Variants in C10orf90 observed in about 807,000 individuals in gnomAD.
C10orf90 encodes the protein chromosome 10 open reading frame 90, also known as (E2-independent) E3 ubiquitin-conjugating enzyme FATS.
Under a neutral mutation model 62.5 loss-of-function variants are expected in C10orf90, and 56 were observed. The ratio of observed to expected loss-of-function variants is 0.90; its 90% CI spans 0.72 to 1.12. C10orf90 has a LOEUF of 1.12. C10orf90 is among the 50% of genes most tolerant of loss of function. The pLI is 0.00. For synonymous variants in C10orf90, 386 were observed against 340.4 expected (o/e 1.13, Z -1.47); for missense variants, 970 against 880.4 (o/e 1.10, Z -1.29).
chr10:126,558,053 C>G (rs1864819066), intron 2 of C10orf90, among the ~76,000 whole-genome samples: 1 of 152,176 alleles, frequency 6.6e-6, no homozygotes, highest in Admixed American at 6.6e-5. Context: ...TCTTCACTCT[C>G]CAGGCCTCAC....
chr10:126,449,336 T>C (rs1288784754), intron 7 of C10orf90, among the ~76,000 whole-genome samples: 1 of 152,128 alleles, frequency 6.6e-6, no homozygotes, highest in Non-Finnish European at 1.5e-5. Flanking sequence ...AAATTCAACA[T>C]CCTTTTATGG....
chr10:126,623,751 G>A (rs1343969998), intron 2 of C10orf90, among the ~76,000 whole-genome samples: 1 of 150,384 alleles, frequency 6.6e-6, no homozygotes, highest in African/African-American at 2.5e-5. Context: ...TGAGGCAGGA[G>A]AATTGCTTGA....
chr10:126,450,718 A>G (rs1760483430), intron 7 of C10orf90, among the ~76,000 whole-genome samples: 1 of 152,260 alleles, frequency 6.6e-6, no homozygotes, highest in African/African-American at 2.4e-5. Context: ...AGTTAAATGT[A>G]ATTCCTGAAA....
intron 4 of C10orf90, among the ~76,000 whole-genome samples, chr10:126,483,712 G>T (rs1861279607): frequency 6.6e-6 from 1 of 152,236 alleles, no homozygotes; most frequent in Non-Finnish European, 1.5e-5. Flanking sequence ...CCAGATGCAG[G>T]TATTGTCACT....
At chr10:126,497,325 A>G (rs1002730930) in intron 4 of C10orf90, among the ~76,000 whole-genome samples, 1 of 152,026 alleles carries the variant, frequency 6.6e-6, no homozygotes, top group Non-Finnish European at 1.5e-5. Flanking sequence ...TAAACAACGC[A>G]GGGAGGCTGA....
chr10:126,527,516 T>C (rs1863982621), intron 2 of C10orf90, among the ~76,000 whole-genome samples: 1 of 152,216 alleles, frequency 6.6e-6, no homozygotes, highest in Non-Finnish European at 1.5e-5. Flanking sequence ...TAAGGCAGCA[T>C]CTCGTATCTC....
chr10:126,522,981 T>G (rs1863814888), intron 2 of C10orf90: 1 of 152,086 alleles, frequency 6.6e-6, no homozygotes, highest in Admixed American at 6.5e-5. Context: ...CAAATAAAGG[T>G]TTTCATGGGC....
chr10:126,518,954 T>C (rs928379092), intron 2 of C10orf90, among the ~76,000 whole-genome samples: 1 of 152,198 alleles, frequency 6.6e-6, no homozygotes, highest in African/African-American at 2.4e-5. Flanking sequence ...ATTTAGGCAG[T>C]GCTCAGGGTG....
intron 2 of C10orf90, among the ~76,000 whole-genome samples, chr10:126,530,978 A>G (rs1864077639): frequency 6.6e-6 from 1 of 152,140 alleles, no homozygotes; most frequent in Non-Finnish European, 1.5e-5. Flanking sequence ...GTTCAAGACC[A>G]GCCTGGCCAA....
At chr10:126,451,052 TAA>T (rs918355181) in intron 7 of C10orf90, among the ~76,000 whole-genome samples, 1 of 144,332 alleles carries the variant, frequency 6.9e-6, no homozygotes, top group African/African-American at 2.5e-5. Context: ...TAGAGATTTC[TAA>T]AAAAAAAAAA....
chr10:126,446,167 T>G (rs1644808859), intron 7 of C10orf90, among the ~76,000 whole-genome samples: 1 of 151,838 alleles, frequency 6.6e-6, no homozygotes, highest in Non-Finnish European at 1.5e-5. Flanking sequence ...AATAAAATCT[T>G]TTTTTTTAAA....
intron 2 of C10orf90, among the ~76,000 whole-genome samples, chr10:126,618,465 T>G (rs1430541176): frequency 6.6e-6 from 1 of 152,208 alleles, no homozygotes; most frequent in Non-Finnish European, 1.5e-5. Context: ...AGTCCTTCTT[T>G]CTGCCTGGCC....
chr10:126,481,807 A>G (rs182184012), intron 4 of C10orf90, among the ~76,000 whole-genome samples: 1 of 152,262 alleles, frequency 6.6e-6, no homozygotes, highest in Admixed American at 6.5e-5. Flanking sequence ...CCTCCTCCCC[A>G]AGTTGGGCCA....
In C10orf90 at chr10:126,627,000, C is replaced by CTTTT. The variant is rs61226052; in HGVS notation, c.313+19561_313+19564dup. Among the ~76,000 whole-genome samples the CTTTT allele has an allele frequency of 9.9e-3, 1,177 of 119,202 alleles. 30 individuals carry two copies. Among genetic ancestry groups the CTTTT allele is most frequent in the South Asian group, 0.028 (108 of 3,802 alleles). The allele number at this position is 119,202 out of a possible 152,430, so 78.2% of individuals were successfully genotyped here. On this transcript the variant is annotated intron_variant, in intron 2 of 9. Transcript: ENST00000488181. ...AGATTTTTCTTTTTCTTTTTCTTTT[C>CTTTT]TTTTTTTTTTTTTTTTTGAGACGTA...
intron 1 of C10orf90, among the ~76,000 whole-genome samples, chr10:126,649,821 G>C (rs1415847726): frequency 6.6e-6 from 1 of 152,218 alleles, no homozygotes; most frequent in Non-Finnish European, 1.5e-5. Flanking sequence ...CCCAGAGGTT[G>C]CTGGGAGCAG....
chr10:126,624,793 A>G (rs1591154044), intron 2 of C10orf90, among the ~76,000 whole-genome samples: 1 of 151,874 alleles, frequency 6.6e-6, no homozygotes, highest in East Asian at 1.9e-4. Flanking sequence ...CTGCCTAAGG[A>G]CTCCATTAGC....
chr10:126,648,224 A>G (rs1471536047), intron 1 of C10orf90, among the ~76,000 whole-genome samples: 2 of 152,038 alleles, frequency 1.3e-5, no homozygotes, highest in Admixed American at 1.3e-4. Flanking sequence ...AGAACTACAG[A>G]TTGTAGTAAG....
chr10:126,481,029 G>C (rs891110303), intron 4 of C10orf90, among the ~76,000 whole-genome samples: 4 of 151,890 alleles, frequency 2.6e-5, no homozygotes, highest in African/African-American at 9.7e-5. Context: ...AGTCCCACTG[G>C]TCTTGGTCTC....
chr10:126,492,565 A>AT (rs1401668995), intron 4 of C10orf90, among the ~76,000 whole-genome samples: 1 of 152,244 alleles, frequency 6.6e-6, no homozygotes, highest in Non-Finnish European at 1.5e-5. Context: ...AATACAGGTT[A>AT]TTTTCAGCAT....
Sources: allele counts gnomAD v4.1 joint callset (sites outside exome capture counted in the v4.1 genomes callset), GRCh38; gene constraint gnomAD v4.1.1; transcripts MANE v1.5; gene names NCBI Gene and HGNC (gene_info 2026-07-23, HGNC 2026-07-21).